The following NEK1 variants were observed in gnomAD, a reference collection of about 807,000 sequenced individuals.
NEK1 encodes serine/threonine-protein kinase Nek1.
A neutral mutation model predicts 182.1 loss-of-function variants in NEK1; 137 were observed. That is an observed-to-expected ratio of 0.75 (90% CI 0.65 to 0.87). The LOEUF is 0.87. Ranked by LOEUF, NEK1 falls within the 40% of genes least tolerant of loss-of-function variation. The pLI is 0.00. For synonymous variants in NEK1, 513 were observed against 492.2 expected, an observed-to-expected ratio of 1.04 and a Z score of -0.56; for missense variants, 1,391 against 1,494.4, an observed-to-expected ratio of 0.93 and a Z score of 1.14.
intron 27 of NEK1, among the ~76,000 whole-genome samples, chr4:169,448,858 C>G (rs563092752): frequency 2.6e-5 from 4 of 152,332 alleles, no homozygotes; most frequent in African/African-American, 9.6e-5. Context: ...GGGGCATCAC[C>G]TCACCTGGGA....
At chr4:169,473,447 G>C (rs1360682727) in intron 26 of NEK1, among the ~76,000 whole-genome samples, 1 of 151,928 alleles carries the variant, frequency 6.6e-6, no homozygotes, top group Non-Finnish European at 1.5e-5. Flanking sequence ...ATTTTGAGTG[G>C]TAGGTACACT....
rs1353501065 is a variant in NEK1, at chr4:169,433,607, C to T, written c.2823G>A (p.Glu941=). Residue 941 remains glutamate (E), a synonymous_variant, in exon 29 of 36, where the codon GAG becomes GAA. Coordinates refer to ENST00000507142, the MANE Select transcript of NEK1 (RefSeq NM_001199397.3). ...CATCAGTAATAGTGCATGGCAAGCT[C>T]TCATCTTTGTTTGTTCCACTTGGCT... ...LQEPSGTNKD[E]SLPCTITDVW... is the part of the protein sequence containing the mutation. 3 of 1,613,448 alleles carry T rather than the reference C, an allele frequency of 1.9e-6. No individual in the cohort carries two copies. Among genetic ancestry groups the T allele is most frequent in the Non-Finnish European group, 2.5e-6 (3 of 1,179,558 alleles).
At chr4:169,587,654 A>C in intron 8 of NEK1, 41 bp from the exon 9 acceptor site, 2 of 1,260,404 alleles carry the variant, frequency 1.6e-6, no homozygotes, top group Non-Finnish European at 2.2e-6. Context: ...TAAGTATTTC[A>C]AATTTTTTCA....
Position 169,562,078 on chromosome 4 carries a change from TTTC to T in NEK1, c.1080+56_1080+58del, listed in dbSNP as rs1482111035. On this transcript the variant is annotated intron_variant, in intron 13 of 35. Coordinates refer to ENST00000507142, the MANE Select transcript of NEK1 (RefSeq NM_001199397.3). ...TTGGAGGCTTTATAGTAAGATTTTG[TTTC>T]TTTTTTAAAATTATGTTTGCAAAGC... 3 of 1,338,512 alleles carry T rather than the reference TTTC, an allele frequency of 2.2e-6. No homozygotes were observed. In the East Asian group the frequency reaches 7.6e-5, roughly 34 times the overall value. The allele number at this position is 1,338,512 out of a possible 1,614,324, so 82.9% of individuals were successfully genotyped here.
intron 5 of NEK1, among the ~76,000 whole-genome samples, chr4:169,597,306 C>T (rs1769674364): frequency 6.6e-6 from 1 of 152,110 alleles, no homozygotes; most frequent in Non-Finnish European, 1.5e-5. Context: ...AGAGCAAGAA[C>T]TCAAACCCAT....
chr4:169,562,061 T>G, intron 13 of NEK1, 76 bp downstream of exon 13: 5 of 1,231,990 alleles, frequency 4.1e-6, no homozygotes, highest in Non-Finnish European at 4.6e-6. Context: ...GTTTGGAGGC[T>G]TTATAGTAAG....
At chr4:169,502,426 A>G (rs1752566986) in intron 23 of NEK1, among the ~76,000 whole-genome samples, 1 of 152,046 alleles carries the variant, frequency 6.6e-6, no homozygotes, top group African/African-American at 2.4e-5. Flanking sequence ...CAAGGGCACA[A>G]CAAAAAAAGA....
At chr4:169,551,957 T>C (rs1403177452) in intron 18 of NEK1, among the ~76,000 whole-genome samples, 1 of 151,916 alleles carries the variant, frequency 6.6e-6, no homozygotes, top group Non-Finnish European at 1.5e-5. Flanking sequence ...TACGTGAAAA[T>C]TCTTGAATAT....
At chr4:169,505,251 C>T (rs1753053250) in intron 23 of NEK1, among the ~76,000 whole-genome samples, 1 of 151,798 alleles carries the variant, frequency 6.6e-6, no homozygotes, top group South Asian at 2.1e-4. Flanking sequence ...ACAGGTTTGA[C>T]CAGCACAAAT....
chr4:169,552,238 G>T (rs1413259108), intron 18 of NEK1, among the ~76,000 whole-genome samples: 1 of 151,578 alleles, frequency 6.6e-6, no homozygotes, highest in East Asian at 1.9e-4. Context: ...AAAGGAAAGG[G>T]CATTTTTATT....
At chr4:169,554,750 A>G (rs1245246862) in intron 18 of NEK1, 1 of 152,174 alleles carries the variant, frequency 6.6e-6, no homozygotes, top group Non-Finnish European at 1.5e-5. Context: ...CTATAATTAT[A>G]CATTCGTCAA....
At chr4:169,445,865 T>TACACACACACAC (rs201151434) in intron 27 of NEK1, among the ~76,000 whole-genome samples, 3 of 143,274 alleles carry the variant, frequency 2.1e-5, no homozygotes, top group East Asian at 2.0e-4. Flanking sequence ...TATATATATA[T>TACACACACACAC]ACACACACAC....
rs752489422 is a variant in NEK1 at position 169,602,115 on chromosome 4, A to AG, written c.118-12dup. ...TTCTTTACTGGACATCTTAAATGGG[A>AG]GGAAAAAGAAAATAGTAAATGAAAC... On this transcript the variant is annotated splice_polypyrimidine_tract_variant and intron_variant, in intron 3 of 35. Coordinates refer to ENST00000507142, the MANE Select transcript of NEK1 (RefSeq NM_001199397.3). The AG allele has an allele frequency of 6.3e-7, 1 of 1,580,874 alleles. No homozygotes were observed. The highest frequency in any genetic ancestry group is 1.1e-5 in the South Asian group (1 of 90,294).
intron 24 of NEK1, 39 bp from the exon 25 acceptor site, chr4:169,477,536 A>AT: frequency 1.4e-6 from 2 of 1,419,062 alleles, no homozygotes; most frequent in African/African-American, 1.4e-5. Flanking sequence ...AGATAATTTT[A>AT]TTTTTTTAAA....
At chr4:169,592,603 C>T (rs960347589) in intron 5 of NEK1, among the ~76,000 whole-genome samples, 1 of 151,804 alleles carries the variant, frequency 6.6e-6, no homozygotes, top group Non-Finnish European at 1.5e-5. Flanking sequence ...ACAGTGTTTA[C>T]CTCAGGGAAG....
In NEK1 at chr4:169,537,843, G is replaced by A; in HGVS notation, c.1631C>T (p.Ala544Val). Residue 544 changes from alanine (A) to valine (V), a missense_variant, in exon 19 of 36, where the codon GCT (alanine) becomes GTT (valine). Physicochemically the swap from Ala to Val is moderately conservative, Grantham distance 64. Transcript: ENST00000507142. ...TTCGGCTCGAGCTTTATTCTGCATA[G>A]CTTCCCGTTTTCGCTGCAGGAACTC... is the stretch of plus-strand genomic sequence containing the variant. The part of the protein sequence containing the change: ...VEEFLQRKRE[A>V]MQNKARAEGH... The A allele has an allele frequency of 1.2e-6, 2 of 1,612,328 alleles. No individual in the cohort carries two copies. The highest frequency in any genetic ancestry group is 1.7e-6 in the Non-Finnish European group (2 of 1,178,956).
chr4:169,437,623 C>T (rs1008825483), intron 28 of NEK1, among the ~76,000 whole-genome samples: 1 of 152,114 alleles, frequency 6.6e-6, no homozygotes, highest in African/African-American at 2.4e-5. Context: ...GAGCCCCGGG[C>T]CATCACATAA....
chr4:169,435,751 CT>C (rs1738297437), intron 28 of NEK1, among the ~76,000 whole-genome samples: 1 of 152,118 alleles, frequency 6.6e-6, no homozygotes, highest in Admixed American at 6.5e-5. Flanking sequence ...CGAATAAGCC[CT>C]GCCAATATGC....
At chr4:169,507,189 T>TTG in intron 22 of NEK1, 57 bp from the exon 23 acceptor site, 1 of 979,132 alleles carries the variant, frequency 1.0e-6, no homozygotes, top group Middle Eastern at 2.4e-4. Context: ...AGAGGTTTTT[T>TTG]TTTTTTTTTT....
Sources: gnomAD v4.1 joint callset for allele counts (sites outside exome capture counted in the v4.1 genomes callset) on GRCh38, gnomAD v4.1.1 for gene constraint, MANE v1.5 for transcripts, NCBI Gene and HGNC (gene_info 2026-07-23, HGNC 2026-07-21) for gene names.